ABCG2: variants seen among roughly 807,000 people sequenced by gnomAD.
ABCG2 encodes broad substrate specificity ATP-binding cassette transporter ABCG2.
ABCG2 carries 80 observed loss-of-function variants against 73.5 expected under a neutral mutation model. The ratio of observed to expected loss-of-function variants is 1.09; its 90% CI spans 0.91 to 1.31. The LOEUF (loss-of-function observed/expected upper bound fraction) is 1.31, where lower values mean the gene tolerates loss of function less well. Among genes scored for constraint, ABCG2 ranks in the 50% most tolerant of loss-of-function variants. ABCG2 has a pLI of 0.00. For missense variants in ABCG2, 796 were observed against 786.2 expected (o/e 1.01, Z -0.15); for synonymous variants, 269 against 282.4 (o/e 0.95, Z 0.48).
chr4:88,197,412 T>C (rs934899474), intron 1 of ABCG2, among the ~76,000 whole-genome samples: 6 of 151,948 alleles, frequency 3.9e-5, no homozygotes, highest in Non-Finnish European at 8.8e-5. Context: ...GTGCAGGAGT[T>C]CAAGACCAGC....
chr4:88,100,566 CG>C (rs1722336108), intron 11 of ABCG2, among the ~76,000 whole-genome samples: 1 of 150,966 alleles, frequency 6.6e-6, no homozygotes, highest in African/African-American at 2.4e-5. Flanking sequence ...GGGAGGACTG[CG>C]TAAGCCCCGC....
intron 1 of ABCG2, among the ~76,000 whole-genome samples, chr4:88,205,930 C>T (rs66508773): frequency 0.42 from 64,029 of 151,910 alleles, 14,794 homozygotes; most frequent in East Asian, 0.67. Context: ...ATCCGCCTGC[C>T]TCGGCCTCCC....
intron 1 of ABCG2, among the ~76,000 whole-genome samples, chr4:88,153,395 T>C (rs6846925): frequency 0.8 from 121,728 of 151,618 alleles, 49,194 homozygotes; most frequent in African/African-American, 0.89. Flanking sequence ...GGGCTGTATT[T>C]TGTCGCATTC....
chr4:88,200,808 A>G (rs2110114376), intron 1 of ABCG2, among the ~76,000 whole-genome samples: 1 of 152,282 alleles, frequency 6.6e-6, no homozygotes, highest in Admixed American at 6.5e-5. Flanking sequence ...CACCGTGCCC[A>G]GCCTATTTTT....
chr4:88,220,051 TGAC>T (rs541133792), intron 1 of ABCG2, among the ~76,000 whole-genome samples: 220 of 152,300 alleles, frequency 1.4e-3, no homozygotes, highest in African/African-American at 5.1e-3. Flanking sequence ...TCTATGAATT[TGAC>T]TACCCTCACT....
At chr4:88,096,487 A>G (rs1456068025) in intron 13 of ABCG2, among the ~76,000 whole-genome samples, 1 of 152,234 alleles carries the variant, frequency 6.6e-6, no homozygotes, top group African/African-American at 2.4e-5. Context: ...GGATGACAGT[A>G]TGGGAAATAT....
intron 2 of ABCG2, among the ~76,000 whole-genome samples, chr4:88,137,281 T>C (rs1364875349): frequency 6.6e-6 from 1 of 152,170 alleles, no homozygotes; most frequent in Non-Finnish European, 1.5e-5. Flanking sequence ...AAATCACTGT[T>C]TGGCGACTAT....
At chr4:88,109,206 G>T (rs756491329) in intron 9 of ABCG2, among the ~76,000 whole-genome samples, 25 of 151,728 alleles carry the variant, frequency 1.6e-4, no homozygotes, top group Non-Finnish European at 2.8e-4. Context: ...CACTATGTTG[G>T]CCAGGCTGGT....
In ABCG2 at chr4:88,091,271, AT is replaced by A. The variant is rs1419753109; in HGVS notation, c.*962del. 1.3e-5 allele frequency: 2 copies of A among 152,238 alleles called. No individual in the cohort carries two copies. Among genetic ancestry groups the A allele is most frequent in the Non-Finnish European group, 2.9e-5 (2 of 68,052 alleles). The allele number at this position is 152,238 out of a possible 1,614,324, so 9.4% of individuals were successfully genotyped here. On this transcript the variant is annotated 3_prime_UTR_variant, in exon 16 of 16. Coordinates refer to ENST00000237612, the MANE Select transcript of ABCG2 (RefSeq NM_004827.3). The stretch of plus-strand genomic sequence containing the variant: ...TCAACTAAAAAAATAAAATTAAAAC[AT>A]TTCCCTATTACTGATGAAGGTTAGA...
At chr4:88,196,101 C>T (rs1728933854) in intron 1 of ABCG2, among the ~76,000 whole-genome samples, 1 of 152,046 alleles carries the variant, frequency 6.6e-6, no homozygotes, top group South Asian at 2.1e-4. Context: ...CTGACCATCA[C>T]CTGATGGTGG....
intron 10 of ABCG2, among the ~76,000 whole-genome samples, chr4:88,105,136 T>C (rs1489522360): frequency 4.6e-5 from 7 of 152,162 alleles, no homozygotes; most frequent in Admixed American, 3.3e-4. Flanking sequence ...ATGACATCAC[T>C]CTGGTAAACT....
chr4:88,211,248 C>T (rs1729577213), intron 1 of ABCG2, among the ~76,000 whole-genome samples: 1 of 151,338 alleles, frequency 6.6e-6, no homozygotes. Context: ...CAGGGTTGCA[C>T]GTGCTTGTTT....
chr4:88,191,106 A>G (rs1159597957), intron 1 of ABCG2, among the ~76,000 whole-genome samples: 1 of 150,688 alleles, frequency 6.6e-6, no homozygotes, highest in Non-Finnish European at 1.5e-5. Flanking sequence ...TTAGCCAGGC[A>G]TTGTGGAGGG....
At chr4:88,128,171 A>T (rs1724571582) in intron 5 of ABCG2, among the ~76,000 whole-genome samples, 1 of 152,222 alleles carries the variant, frequency 6.6e-6, no homozygotes, top group South Asian at 2.1e-4. Flanking sequence ...ATATGAAAAA[A>T]ACTTCATCAT....
At chr4:88,113,612 T>G in intron 8 of ABCG2, 59 bp from the exon 9 acceptor site, 4 of 1,576,958 alleles carry the variant, frequency 2.5e-6, no homozygotes, top group Non-Finnish European at 3.4e-6. Flanking sequence ...TTTAGCCCAT[T>G]TTTTCTGTGA....
intron 1 of ABCG2, among the ~76,000 whole-genome samples, chr4:88,168,144 G>T (rs1193507777): frequency 6.6e-6 from 1 of 152,036 alleles, no homozygotes; most frequent in Non-Finnish European, 1.5e-5. Context: ...CATGTAATTT[G>T]CTTTATACAG....
chr4:88,101,366 T>C, intron 10 of ABCG2, 47 bp from the exon 11 acceptor site: 2 of 1,523,550 alleles, frequency 1.3e-6, no homozygotes, highest in Non-Finnish European at 1.8e-6. Context: ...CTCAGCATTC[T>C]TAGACAGATT....
At chr4:88,137,261 T>C (rs1156995907) in intron 2 of ABCG2, among the ~76,000 whole-genome samples, 1 of 152,146 alleles carries the variant, frequency 6.6e-6, no homozygotes, top group Admixed American at 6.5e-5. Context: ...TAAGAGATAA[T>C]GATAATAGAA....
intron 1 of ABCG2, among the ~76,000 whole-genome samples, chr4:88,210,903 G>T (rs1252118190): frequency 2.0e-5 from 3 of 151,972 alleles, no homozygotes; most frequent in Non-Finnish European, 4.4e-5. Context: ...AGCCAGAGTT[G>T]ATTTTATTTG....
Sources: gnomAD v4.1 joint callset for allele counts (sites outside exome capture counted in the v4.1 genomes callset) on GRCh38, gnomAD v4.1.1 for gene constraint, MANE v1.5 for transcripts, NCBI Gene and HGNC (gene_info 2026-07-23, HGNC 2026-07-21) for gene names.